Variants in RBFOX3 observed in about 807,000 individuals in gnomAD.
RBFOX3 encodes the protein RNA binding protein fox-1 homolog 3.
In RBFOX3, 17 loss-of-function variants were observed where a neutral mutation model predicts 48.7. The ratio of observed to expected loss-of-function variants is 0.35; its 90% CI spans 0.24 to 0.52. RBFOX3 has a LOEUF of 0.52. Ranked by LOEUF, RBFOX3 falls within the 20% of genes least tolerant of loss-of-function variation. The probability of loss-of-function intolerance (pLI) is 0.94; values close to 1 mark genes in which losing one functional copy is unlikely to be tolerated. For missense variants in RBFOX3, 382 were observed against 497.5 expected, an observed-to-expected ratio of 0.77 and a Z score of 2.21; for synonymous variants, 212 against 209.5, an observed-to-expected ratio of 1.01 and a Z score of -0.10.
intron 1 of RBFOX3, among the ~76,000 whole-genome samples, chr17:79,507,003 G>T (rs1278354583): frequency 1.3e-5 from 2 of 152,166 alleles, no homozygotes; most frequent in African/African-American, 4.8e-5. Context: ...TGAGAAATCG[G>T]GATCCACCCT....
chr17:79,191,586 C>T (rs1367014893), intron 4 of RBFOX3, among the ~76,000 whole-genome samples: 1 of 152,220 alleles, frequency 6.6e-6, no homozygotes, highest in Non-Finnish European at 1.5e-5. Flanking sequence ...CACTGCTAGG[C>T]AGCCAGTGCC....
chr17:79,476,756 G>A (rs2077826239), intron 2 of RBFOX3, among the ~76,000 whole-genome samples: 1 of 152,062 alleles, frequency 6.6e-6, no homozygotes, highest in Admixed American at 6.5e-5. Context: ...AGAATTAGGG[G>A]GTCTGGAAAA....
chr17:79,303,319 T>C (rs537220506), intron 3 of RBFOX3, among the ~76,000 whole-genome samples: 1 of 152,342 alleles, frequency 6.6e-6, no homozygotes, highest in East Asian at 1.9e-4. Context: ...ATGCGGTATA[T>C]GGTTGCACAA....
chr17:79,228,076 G>A (rs1392100027), intron 4 of RBFOX3, among the ~76,000 whole-genome samples: 1 of 152,208 alleles, frequency 6.6e-6, no homozygotes, highest in Non-Finnish European at 1.5e-5. Context: ...TGTCTTCCCT[G>A]CCCTTCCTCC....
intron 2 of RBFOX3, among the ~76,000 whole-genome samples, chr17:79,398,617 G>A (rs892472232): frequency 6.6e-6 from 1 of 152,228 alleles, no homozygotes; most frequent in Admixed American, 6.5e-5. Context: ...TGAATGCCCT[G>A]CAGCGTACAG....
intron 2 of RBFOX3, among the ~76,000 whole-genome samples, chr17:79,420,553 AC>A (rs1436187115): frequency 1.3e-5 from 2 of 151,958 alleles, no homozygotes; most frequent in Admixed American, 1.3e-4. Context: ...CCCCATCCCA[AC>A]CCAGGAGAAG....
At chr17:79,394,040 G>A (rs921427131) in intron 2 of RBFOX3, among the ~76,000 whole-genome samples, 8 of 146,862 alleles carry the variant, frequency 5.4e-5, no homozygotes, top group Admixed American at 4.1e-4. Flanking sequence ...CACACACATC[G>A]GAGCTGGTCA....
chr17:79,637,723 G>A, the RBFOX3 span, among the ~76,000 whole-genome samples: 17 of 122,434 alleles, frequency 1.4e-4, no homozygotes, highest in African/African-American at 2.4e-4. Context: ...GAGCGAAGGC[G>A]AAGGGAAGGG....
intron 4 of RBFOX3, among the ~76,000 whole-genome samples, chr17:79,181,611 G>A (rs367799966): frequency 2.9e-4 from 44 of 151,690 alleles, no homozygotes; most frequent in African/African-American, 9.9e-4. Context: ...AGGGCCCTGG[G>A]CTGCAGGCCA....
intron 1 of RBFOX3, among the ~76,000 whole-genome samples, chr17:79,497,425 T>C (rs2081701101): frequency 6.6e-6 from 1 of 152,072 alleles, no homozygotes; most frequent in African/African-American, 2.4e-5. Context: ...AGTCAGCCAA[T>C]GGAGCCCAAG....
At chr17:79,517,183 C>G (rs1325873789) in intron 1 of RBFOX3, among the ~76,000 whole-genome samples, 1 of 152,058 alleles carries the variant, frequency 6.6e-6, no homozygotes, top group Admixed American at 6.6e-5. Flanking sequence ...CAGTGGCTTA[C>G]GTCTGTAATC....
At chr17:79,494,403 C>T (rs1250175076) in intron 1 of RBFOX3, among the ~76,000 whole-genome samples, 1 of 152,256 alleles carries the variant, frequency 6.6e-6, no homozygotes, top group Non-Finnish European at 1.5e-5. Flanking sequence ...TAAACTTCCA[C>T]AGCTTGCCTG....
rs1274153531 is a variant in RBFOX3, at chr17:79,479,914, G to T, written c.-175+2540C>A. On this transcript the variant is annotated intron_variant, in intron 2 of 14. Transcript: ENST00000693108. This position sits in a 1 kb window ranked among gnomAD's most constrained non-coding sequence, Gnocchi z 5.1. ...ATCTTCTTGGAACTAGGCGTCTGAG[G>T]TTCCAGAGACAGAGCATGATCTCAG... 1.3e-5 allele frequency among the ~76,000 whole-genome samples: 2 copies of T among 152,200 alleles called. No individual in the cohort carries two copies. Among genetic ancestry groups the T allele is most frequent in the Non-Finnish European group, 2.9e-5 (2 of 68,026 alleles).
intron 1 of RBFOX3, among the ~76,000 whole-genome samples, chr17:79,504,394 C>A (rs2082794727): frequency 6.6e-6 from 1 of 152,208 alleles, no homozygotes; most frequent in African/African-American, 2.4e-5. Flanking sequence ...TCCTCCTGTT[C>A]CTGCAACAAA....
intron 3 of RBFOX3, among the ~76,000 whole-genome samples, chr17:79,246,883 G>C (rs188141070): frequency 6.6e-6 from 1 of 152,114 alleles, no homozygotes; most frequent in Admixed American, 6.6e-5. Flanking sequence ...GGAGAACGGC[G>C]GAGACAGGAA....
At chr17:79,096,063 C>T (rs1042897705) in intron 12 of RBFOX3, among the ~76,000 whole-genome samples, 10 of 152,176 alleles carry the variant, frequency 6.6e-5, no homozygotes, top group Non-Finnish European at 8.8e-5. Context: ...CACAAGAGGA[C>T]GTGAGCTCAG....
At chr17:79,323,536 G>C (rs140922561) in intron 2 of RBFOX3, among the ~76,000 whole-genome samples, 89 of 152,334 alleles carry the variant, frequency 5.8e-4, no homozygotes, top group African/African-American at 2.1e-3. Context: ...GCCAGGAGAA[G>C]GGCTGTAATG....
intron 4 of RBFOX3, among the ~76,000 whole-genome samples, chr17:79,118,056 G>GTGGA (rs1292535300): frequency 6.6e-6 from 1 of 152,086 alleles, no homozygotes; most frequent in Admixed American, 6.5e-5. Flanking sequence ...AGCTGGAAGG[G>GTGGA]TGGAGCCTGG....
At chr17:79,132,037 G>T (rs2039035557) in intron 4 of RBFOX3, among the ~76,000 whole-genome samples, 1 of 152,206 alleles carries the variant, frequency 6.6e-6, no homozygotes, top group South Asian at 2.1e-4. Flanking sequence ...TCTGCGTCTT[G>T]CCTGGGGAAA....
Sources: gnomAD v4.1 joint callset for allele counts (sites outside exome capture counted in the v4.1 genomes callset) on GRCh38, gnomAD v4.1.1 for gene constraint, Gnocchi (gnomAD v3.1) non-coding constraint, MANE v1.5 for transcripts, NCBI Gene and HGNC (gene_info 2026-07-23, HGNC 2026-07-21) for gene names.